ATP6V0D1: variants seen among roughly 807,000 people sequenced by gnomAD.
ATP6V0D1 encodes the protein ATPase H+ transporting V0 subunit d1.
In ATP6V0D1, 13 loss-of-function variants were observed where a neutral mutation model predicts 39.0. The ratio of observed to expected loss-of-function variants is 0.33; its 90% CI spans 0.22 to 0.53. ATP6V0D1 has a LOEUF of 0.53. Among genes scored for constraint, ATP6V0D1 ranks in the 20% least tolerant of loss-of-function variants. The probability of loss-of-function intolerance (pLI) is 0.94; values close to 1 mark genes in which losing one functional copy is unlikely to be tolerated. For missense variants in ATP6V0D1, 272 were observed against 470.9 expected, an observed-to-expected ratio of 0.58 and a Z score of 3.91; for synonymous variants, 191 against 191.2, an observed-to-expected ratio of 1.00 and a Z score of 0.01.
Position 67,453,614 on chromosome 16 carries a change from T to A in ATP6V0D1, c.232A>T (p.Met78Leu). The A allele has an allele frequency of 6.2e-7, 1 of 1,614,156 alleles. No homozygotes were observed. The part of the protein sequence containing the change: ...SVIDDRLKEK[M>L]VVEFRHMRNH... ...CTCATGTGGCGGAACTCCACCACCA[T>A]CTTCTCCTTGAGCCGGTCATCGATG... The change falls in exon 2 of 8, where the codon ATG (methionine) becomes TTG (leucine). Residue 78 changes from methionine (M) to leucine (L), a missense_variant. Physicochemically the swap from Met to Leu is conservative, Grantham distance 15 (BLOSUM62 2). Transcript: ENST00000290949. The surrounding 1 kb of genome is among the most constrained non-coding windows in gnomAD (Gnocchi z 4.1).
chr16:67,463,289 G>C (rs2041303426), intron 1 of ATP6V0D1, among the ~76,000 whole-genome samples: 1 of 152,196 alleles, frequency 6.6e-6, no homozygotes, highest in Non-Finnish European at 1.5e-5. Context: ...CCAGCACTTT[G>C]AGAGGCTGAG....
At chr16:67,477,195 G>C (rs8062388) in intron 1 of ATP6V0D1, among the ~76,000 whole-genome samples, 4,471 of 151,920 alleles carry the variant, frequency 0.029, 98 homozygotes, top group South Asian at 0.061. Flanking sequence ...GATGGGATCA[G>C]TAAAATTGAG....
In ATP6V0D1 at chr16:67,443,184, G is replaced by A. The variant is rs772479749; in HGVS notation, c.482-6C>T. On this transcript the variant is annotated splice_polypyrimidine_tract_variant and splice_region_variant and intron_variant, in intron 3 of 7. Transcript: ENST00000290949. ...GCAGTCCTGGAAAAAAGCCGCTGGG[G>A]AGGAAACATGGTTTGAGGGGTGGGC... 7 of 1,613,932 alleles carry A rather than the reference G, an allele frequency of 4.3e-6. No homozygotes were observed. The highest frequency in any genetic ancestry group is 1.3e-5 in the African/African-American group (1 of 75,048).
intron 4 of ATP6V0D1, among the ~76,000 whole-genome samples, chr16:67,441,997 G>C (rs1038880665): frequency 3.9e-5 from 6 of 152,218 alleles, no homozygotes; most frequent in Non-Finnish European, 8.8e-5. Flanking sequence ...TCCCATGCCT[G>C]CCTTTTCTTC....
chr16:67,470,885 G>A (rs1326565036), intron 1 of ATP6V0D1, among the ~76,000 whole-genome samples: 2 of 152,082 alleles, frequency 1.3e-5, no homozygotes, highest in African/African-American at 4.8e-5. Context: ...CCAATCTTGT[G>A]GGTTTCATCT....
At chr16:67,469,651 C>A (rs1253591851) in intron 1 of ATP6V0D1, among the ~76,000 whole-genome samples, 3 of 152,224 alleles carry the variant, frequency 2.0e-5, no homozygotes, top group Non-Finnish European at 4.4e-5. Flanking sequence ...AAAACCTGGA[C>A]CACAAAGGTC....
chr16:67,460,889 G>A (rs2041284143), intron 1 of ATP6V0D1, among the ~76,000 whole-genome samples: 1 of 152,306 alleles, frequency 6.6e-6, no homozygotes, highest in South Asian at 2.1e-4. Flanking sequence ...AAGAATCTGG[G>A]CTTCAGAGCC....
intron 2 of ATP6V0D1, among the ~76,000 whole-genome samples, chr16:67,446,627 C>T (rs368678561): frequency 3.9e-5 from 6 of 152,230 alleles, no homozygotes; most frequent in African/African-American, 7.2e-5. Context: ...ACAGCACACA[C>T]GCCTCCTGCC....
intron 4 of ATP6V0D1, 71 bp downstream of exon 4, chr16:67,443,028 C>A: frequency 6.6e-7 from 1 of 1,525,324 alleles, no homozygotes; most frequent in South Asian, 1.1e-5. Flanking sequence ...TCACATAAAT[C>A]ACCACCCTAC....
chr16:67,459,276 C>G (rs973700103), intron 1 of ATP6V0D1: 6 of 985,364 alleles, frequency 6.1e-6, no homozygotes, highest in Non-Finnish European at 7.2e-6. Flanking sequence ...AAGACACACC[C>G]CCAGCCTGGA....
intron 2 of ATP6V0D1, among the ~76,000 whole-genome samples, chr16:67,448,210 G>T (rs2041138975): frequency 1.3e-5 from 2 of 152,084 alleles, no homozygotes; most frequent in South Asian, 4.2e-4. Flanking sequence ...AAATTAGCCA[G>T]GTGTGGTGGC....
At chr16:67,460,614 G>C (rs1324119562) in intron 1 of ATP6V0D1, among the ~76,000 whole-genome samples, 1 of 152,148 alleles carries the variant, frequency 6.6e-6, no homozygotes, top group Non-Finnish European at 1.5e-5. Flanking sequence ...AACACCAATT[G>C]ACTGAGTAAC....
chr16:67,463,673 G>A (rs2041306886), intron 1 of ATP6V0D1, among the ~76,000 whole-genome samples: 1 of 152,188 alleles, frequency 6.6e-6, no homozygotes, highest in African/African-American at 2.4e-5. Context: ...ACCTTTCGCT[G>A]GCAGAGCCAA....
chr16:67,473,795 T>C (rs112372294), intron 1 of ATP6V0D1, among the ~76,000 whole-genome samples: 1 of 152,154 alleles, frequency 6.6e-6, no homozygotes, highest in African/African-American at 2.4e-5. Flanking sequence ...AGTGCTGGGA[T>C]TACAGGCATG....
In ATP6V0D1 at chr16:67,444,177, C is replaced by T. The variant is rs921567631; in HGVS notation, c.481+351G>A. ...TTACTCAGGCTCCAGCTCCGGGCCA[C>T]AGTCTGTCAGAGCTCTCGGGACTCC... On this transcript the variant is annotated intron_variant, in intron 3 of 7. Coordinates refer to ENST00000290949, the MANE Select transcript of ATP6V0D1 (RefSeq NM_004691.5). This position sits in a 1 kb window ranked among gnomAD's most constrained non-coding sequence, Gnocchi z 4.8. Among the ~76,000 whole-genome samples the T allele has an allele frequency of 1.3e-5, 2 of 152,242 alleles. No individual in the cohort carries two copies. The highest frequency in any genetic ancestry group is 4.8e-5 in the African/African-American group (2 of 41,452).
chr16:67,468,957 C>T (rs2041351517), intron 1 of ATP6V0D1, among the ~76,000 whole-genome samples: 1 of 152,204 alleles, frequency 6.6e-6, no homozygotes. Flanking sequence ...TTGGAAACAG[C>T]AGTTATTGGC....
chr16:67,469,020 G>A (rs552409686), intron 1 of ATP6V0D1, among the ~76,000 whole-genome samples: 10 of 152,204 alleles, frequency 6.6e-5, no homozygotes, highest in East Asian at 3.9e-4. Context: ...AGATAAAATC[G>A]GGCTAAAGGC....
chr16:67,459,076 G>A (rs1030109197), intron 1 of ATP6V0D1: 14 of 985,676 alleles, frequency 1.4e-5, no homozygotes, highest in African/African-American at 1.7e-5. Flanking sequence ...GTGAGGCCCC[G>A]TGCCCTCAGC....
At chr16:67,468,576 A>C (rs1424338886) in intron 1 of ATP6V0D1, among the ~76,000 whole-genome samples, 1 of 151,564 alleles carries the variant, frequency 6.6e-6, no homozygotes, top group African/African-American at 2.4e-5. Context: ...CAACAGAGCA[A>C]GACCCAGTCT....
Sources: gnomAD v4.1 joint callset for allele counts (sites outside exome capture counted in the v4.1 genomes callset) on GRCh38, gnomAD v4.1.1 for gene constraint, Gnocchi (gnomAD v3.1) non-coding constraint, MANE v1.5 for transcripts, NCBI Gene and HGNC (gene_info 2026-07-23, HGNC 2026-07-21) for gene names.